The following NXPH2 variants were observed in gnomAD, a reference collection of about 807,000 sequenced individuals.
The protein encoded by NXPH2 is neurexophilin 2.
Under a neutral mutation model 19.8 loss-of-function variants are expected in NXPH2, and 5 were observed. The ratio of observed to expected loss-of-function variants is 0.25; its 90% CI spans 0.13 to 0.53. The LOEUF is 0.53. Among genes scored for constraint, NXPH2 ranks in the 20% least tolerant of loss-of-function variants. The pLI is 0.96. For synonymous variants in NXPH2, 154 were observed against 127.4 expected (o/e 1.21, Z -1.41); for missense variants, 289 against 322.8 (o/e 0.90, Z 0.80).
At chr2:138,744,423 C>T (rs1322023452) in intron 1 of NXPH2, among the ~76,000 whole-genome samples, 1 of 151,988 alleles carries the variant, frequency 6.6e-6, no homozygotes, top group African/African-American at 2.4e-5. Flanking sequence ...TTGGTTCTAG[C>T]CTGACTACTT....
rs761225262 is a variant in NXPH2, at chr2:138,670,892, GT to G, written c.*29del. The G allele has an allele frequency of 1.3e-6, 2 of 1,591,926 alleles. No homozygotes were observed. The highest frequency in any genetic ancestry group is 4.5e-5 in the East Asian group (2 of 44,722). On this transcript the variant is annotated 3_prime_UTR_variant, in exon 2 of 2. Transcript: ENST00000272641. Reference sequence around the variant, plus strand: ...TTTGTCATTCTAATCAAATACATATGTATCCCTCATTTCCACCACAGCAGGA... The same window carrying G: ...TTTGTCATTCTAATCAAATACATATGATCCCTCATTTCCACCACAGCAGGA...
intron 1 of NXPH2, among the ~76,000 whole-genome samples, chr2:138,775,043 G>A (rs1343581638): frequency 6.6e-6 from 1 of 152,104 alleles, no homozygotes; most frequent in Non-Finnish European, 1.5e-5. Context: ...TTTAAGAAAG[G>A]AAAAATTAAC....
At chr2:138,775,723 G>C (rs1329218299) in intron 1 of NXPH2, among the ~76,000 whole-genome samples, 1 of 152,078 alleles carries the variant, frequency 6.6e-6, no homozygotes, top group Non-Finnish European at 1.5e-5. Flanking sequence ...ATAGAAATTA[G>C]TTTGTTAAAT....
intron 1 of NXPH2, among the ~76,000 whole-genome samples, chr2:138,719,952 T>C (rs751447705): frequency 1.4e-4 from 21 of 152,172 alleles, no homozygotes; most frequent in Non-Finnish European, 2.6e-4. Context: ...ACATTAACTT[T>C]AAAGCAAATT....
At chr2:138,735,280 A>G (rs1305562797) in intron 1 of NXPH2, among the ~76,000 whole-genome samples, 1 of 152,158 alleles carries the variant, frequency 6.6e-6, no homozygotes, top group East Asian at 1.9e-4. Context: ...TGATGCTGAT[A>G]AAGACATACC....
chr2:138,770,511 T>G (rs1682160766), intron 1 of NXPH2, among the ~76,000 whole-genome samples: 2 of 152,048 alleles, frequency 1.3e-5, no homozygotes, highest in Non-Finnish European at 1.5e-5. Context: ...ATATGAGACA[T>G]AATGTTCAAT....
intron 1 of NXPH2, among the ~76,000 whole-genome samples, chr2:138,704,599 T>A (rs999714182): frequency 3.3e-5 from 5 of 152,140 alleles, no homozygotes; most frequent in Non-Finnish European, 7.3e-5. Flanking sequence ...AGCCTGCACA[T>A]CTTCAAGGTA....
chr2:138,698,279 T>A (rs966245537), intron 1 of NXPH2, among the ~76,000 whole-genome samples: 14 of 152,170 alleles, frequency 9.2e-5, no homozygotes, highest in African/African-American at 3.4e-4. Flanking sequence ...ATTTCTATAA[T>A]GTTAGGTTAA....
chr2:138,693,085 C>G (rs924645103), intron 1 of NXPH2, among the ~76,000 whole-genome samples: 2 of 152,096 alleles, frequency 1.3e-5, no homozygotes, highest in Non-Finnish European at 2.9e-5. Context: ...TTTCTTAATG[C>G]CTTTGCTTGA....
At chr2:138,723,571 C>A (rs1051288702) in intron 1 of NXPH2, among the ~76,000 whole-genome samples, 4 of 152,204 alleles carry the variant, frequency 2.6e-5, no homozygotes, top group African/African-American at 9.6e-5. Context: ...TGGCCCTAGT[C>A]TTTTCTAGGG....
chr2:138,684,783 A>G (rs1370348919), intron 1 of NXPH2, among the ~76,000 whole-genome samples: 1 of 152,148 alleles, frequency 6.6e-6, no homozygotes, highest in Non-Finnish European at 1.5e-5. Flanking sequence ...TTAGCCCAAG[A>G]GTCCCCTTTA....
chr2:138,677,006 C>G (rs1680494228), intron 1 of NXPH2, among the ~76,000 whole-genome samples: 2 of 152,168 alleles, frequency 1.3e-5, no homozygotes, highest in Admixed American at 1.3e-4. Context: ...GCAAAGGGAG[C>G]TGAGAATATA....
chr2:138,759,461 G>T (rs990808375), intron 1 of NXPH2, among the ~76,000 whole-genome samples: 2 of 152,056 alleles, frequency 1.3e-5, no homozygotes, highest in African/African-American at 4.8e-5. Flanking sequence ...TCACAGGATG[G>T]CTGCTGCACC....
chr2:138,704,027 A>G (rs565952371), intron 1 of NXPH2, among the ~76,000 whole-genome samples: 1 of 152,320 alleles, frequency 6.6e-6, no homozygotes, highest in East Asian at 1.9e-4. Context: ...ACGTATGTGA[A>G]TTGCATTCCC....
rs139993670 is a variant in NXPH2 at position 138,778,127 on chromosome 2, A to T, written c.51+2064T>A. ...CTCAGCCACTCTGTTTTCCTTTCAC[A>T]TTCTAACCCCCTTGTGTTATAAGGC... On this transcript the variant is annotated intron_variant, in intron 1 of 1. Transcript: ENST00000272641. Among the ~76,000 whole-genome samples the T allele has an allele frequency of 5.8e-3, 876 of 152,296 alleles. 8 individuals carry two copies. Among genetic ancestry groups the T allele is most frequent in the South Asian group, 0.011 (55 of 4,826 alleles).
At chr2:138,709,676 A>G (rs182788435) in intron 1 of NXPH2, among the ~76,000 whole-genome samples, 2 of 152,230 alleles carry the variant, frequency 1.3e-5, no homozygotes, top group East Asian at 1.9e-4. Flanking sequence ...TGCTTTGCCT[A>G]TTCATCCCGT....
chr2:138,689,227 A>T (rs1680708300), intron 1 of NXPH2, among the ~76,000 whole-genome samples: 1 of 152,216 alleles, frequency 6.6e-6, no homozygotes, highest in African/African-American at 2.4e-5. Flanking sequence ...GAGAAGAGCC[A>T]TGCTTGAACA....
intron 1 of NXPH2, among the ~76,000 whole-genome samples, chr2:138,768,968 T>C (rs1682133271): frequency 6.6e-6 from 1 of 152,168 alleles, no homozygotes; most frequent in Admixed American, 6.5e-5. Flanking sequence ...CACTCTGAAA[T>C]ATTCATGGAG....
intron 1 of NXPH2, among the ~76,000 whole-genome samples, chr2:138,767,523 CCAT>C (rs1383210667): frequency 2.0e-5 from 3 of 152,180 alleles, no homozygotes; most frequent in African/African-American, 4.8e-5. Context: ...TATACATGTG[CCAT>C]GGTGGTTTGC....
Sources: allele counts gnomAD v4.1 joint callset (sites outside exome capture counted in the v4.1 genomes callset), GRCh38; gene constraint gnomAD v4.1.1; transcripts MANE v1.5; gene names NCBI Gene and HGNC (gene_info 2026-07-23, HGNC 2026-07-21).